The following IGSF10 variants were observed in gnomAD, a reference collection of about 807,000 sequenced individuals.
The protein encoded by IGSF10 is immunoglobulin superfamily member 10.
In IGSF10, 126 loss-of-function variants were observed where a neutral mutation model predicts 128.2. The observed-to-expected ratio is 0.98, with a 90% CI of 0.85 to 1.14. IGSF10 has a LOEUF of 1.14. IGSF10 is among the 50% of genes most tolerant of loss of function. The pLI, the probability that IGSF10 is intolerant of heterozygous loss-of-function variation, is 0.00. For synonymous variants in IGSF10, 1,185 were observed against 1,146.2 expected, an observed-to-expected ratio of 1.03 and a Z score of -0.68; for missense variants, 3,295 against 3,149.8, an observed-to-expected ratio of 1.05 and a Z score of -1.10.
At chr3:151,597,869 G>A in the IGSF10 span, among the ~76,000 whole-genome samples, 1 of 151,578 alleles carries the variant, frequency 6.6e-6, no homozygotes, top group Non-Finnish European at 1.5e-5. Context: ...GTGAGCCGAG[G>A]TCGCACCACT....
At chr3:151,550,688 C>A in the IGSF10 span, among the ~76,000 whole-genome samples, 1 of 152,006 alleles carries the variant, frequency 6.6e-6, no homozygotes. Flanking sequence ...TCGTTTTTTA[C>A]ATTTCTACTG....
the IGSF10 span, among the ~76,000 whole-genome samples, chr3:151,489,465 T>C: frequency 6.6e-6 from 1 of 152,324 alleles, no homozygotes; most frequent in East Asian, 1.9e-4. Flanking sequence ...AGTGATCTCA[T>C]TACTGGGTAT....
the IGSF10 span, among the ~76,000 whole-genome samples, chr3:151,536,060 G>A: frequency 6.6e-6 from 1 of 152,122 alleles, no homozygotes; most frequent in Non-Finnish European, 1.5e-5. Context: ...GGTTGGCTAG[G>A]TCCTAGCTGC....
At chr3:151,586,580 A>G in the IGSF10 span, among the ~76,000 whole-genome samples, 1 of 152,188 alleles carries the variant, frequency 6.6e-6, no homozygotes, top group Non-Finnish European at 1.5e-5. Context: ...TATGGTGATA[A>G]GCCTGCTGTC....
At position 151,456,968 on chromosome 3, in the gene IGSF10, C is replaced by T. The variant is rs894496806; in HGVS notation, c.324+58G>A. ...GTAGAGATAGGCAGCCTTTGAAGGT[C>T]TATCTCACAGGTCCCACCTTACCTC... On this transcript the variant is annotated intron_variant, in intron 4 of 7. Transcript: ENST00000282466. 1.8e-5 allele frequency: 29 copies of T among 1,580,012 alleles called. No individual in the cohort carries two copies. The African/African-American group carries it at 2.4e-4, about 13-fold the overall frequency.
the IGSF10 span, among the ~76,000 whole-genome samples, chr3:151,540,337 G>C: frequency 6.6e-6 from 1 of 152,140 alleles, no homozygotes; most frequent in African/African-American, 2.4e-5. Flanking sequence ...GAATTTCTAA[G>C]ATAATACATT....
chr3:151,516,466 T>C, the IGSF10 span, among the ~76,000 whole-genome samples: 1 of 152,062 alleles, frequency 6.6e-6, no homozygotes, highest in Admixed American at 6.6e-5. Flanking sequence ...GCCAGCCTTA[T>C]ATGTGGATAA....
At position 151,449,103 on chromosome 3, in the gene IGSF10, A is replaced by G; in HGVS notation, c.878T>C (p.Leu293Pro). The G allele has an allele frequency of 6.2e-7, 1 of 1,614,184 alleles. No homozygotes were observed. Among genetic ancestry groups the G allele is most frequent in the Non-Finnish European group, 8.5e-7 (1 of 1,180,034 alleles). The change falls in exon 6 of 8, where the codon CTG becomes CCG. Residue 293 changes from leucine (L) to proline (P), a missense_variant. Leu to Pro is a moderately conservative substitution (Grantham distance 98). Coordinates refer to ENST00000282466, the MANE Select transcript of IGSF10 (RefSeq NM_178822.5). The stretch of plus-strand genomic sequence containing the variant: ...AGAACTACTGTCTTCCAGAATAGTC[A>G]GGCTCTTTGATTTCAGGGATGAGTC... ...TIDSSLKSKS[L>P]TILEDSSSAF... is the part of the protein sequence containing the mutation.
chr3:151,453,553 A>G lies in IGSF10; in HGVS notation c.546T>C (p.Phe182=). 6.2e-7 allele frequency: 1 copy of G among 1,613,998 alleles called. No individual in the cohort carries two copies. The highest frequency in any genetic ancestry group is 8.5e-7 in the Non-Finnish European group (1 of 1,179,892). The change falls in exon 5 of 8, where the codon TTT becomes TTC. Residue 182 remains phenylalanine (F), a synonymous_variant. Coordinates refer to ENST00000282466, the MANE Select transcript of IGSF10 (RefSeq NM_178822.5). Reference sequence around the variant, plus strand: ...ATAGGAACTTAATGAAAGAGATTTTAAATATCTGGAGGTAGCTCAAAGAGA... The same window carrying G: ...ATAGGAACTTAATGAAAGAGATTTTGAATATCTGGAGGTAGCTCAAAGAGA... ...TFVSLSYLQI[F]KISFIKFLYL... is the part of the protein sequence containing the mutation.
In IGSF10 at chr3:151,445,939, G is replaced by A. The variant is rs147636244; in HGVS notation, c.4042C>T (p.Gln1348Ter). 3.1e-6 allele frequency: 5 copies of A among 1,614,000 alleles called. No homozygotes were observed. The highest frequency in any genetic ancestry group is 4.2e-6 in the Non-Finnish European group (5 of 1,180,022). Residue 1348 changes from glutamine (Q) to a stop codon, truncating the protein, a stop_gained, in exon 6 of 8, where the codon CAG becomes TAG. Transcript: ENST00000282466. LOFTEE classifies it high-confidence loss of function. ...RSRAQTIQRE[Q>*]EPQKKNRTDP... Reference sequence around the variant, plus strand: ...GTCCTGTTCTTCTTTTGAGGCTCCTGTTCTCTTTGTATTGTTTGTGCTCTA... The same window carrying A: ...GTCCTGTTCTTCTTTTGAGGCTCCTATTCTCTTTGTATTGTTTGTGCTCTA...
Position 151,436,767 on chromosome 3 carries a change from G to A in IGSF10, c.7794C>T (p.Ser2598=), listed in dbSNP as rs150087245. 34 of 1,614,068 alleles carry A rather than the reference G, an allele frequency of 2.1e-5. No homozygotes were observed. The highest frequency in any genetic ancestry group is 2.0e-4 in the East Asian group (9 of 44,878). ...GTLVIQNPQT[S]DSGIYKCTAK... is the part of the protein sequence containing the mutation. ...CTGTGCATTTGTATATCCCAGAATC[G>A]GAGGTTTGGGGATTCTGAATGACTA... Residue 2598 remains serine, a synonymous_variant, in exon 8 of 8, where the codon TCC becomes TCT. Transcript: ENST00000282466.
chr3:151,524,522 C>A, the IGSF10 span, among the ~76,000 whole-genome samples: 2 of 152,138 alleles, frequency 1.3e-5, no homozygotes, highest in African/African-American at 4.8e-5. Context: ...CAAACTAACA[C>A]AGGAACAGAA....
At chr3:151,530,613 T>G in the IGSF10 span, among the ~76,000 whole-genome samples, 1 of 152,110 alleles carries the variant, frequency 6.6e-6, no homozygotes, top group Non-Finnish European at 1.5e-5. Context: ...CCAACCAAAC[T>G]AAGCTTCATA....
the IGSF10 span, among the ~76,000 whole-genome samples, chr3:151,617,595 G>A: frequency 0.034 from 5,136 of 152,076 alleles, 228 homozygotes; most frequent in African/African-American, 0.098. Context: ...TCTGGACTTT[G>A]AACTTTTGAG....
chr3:151,550,792 A>C, the IGSF10 span, among the ~76,000 whole-genome samples: 291 of 152,150 alleles, frequency 1.9e-3, 2 homozygotes, highest in Middle Eastern at 3.4e-3. Flanking sequence ...TGTACCCTGG[A>C]GTTGATCCTA....
chr3:151,476,021 G>A, the IGSF10 span: 1 of 152,188 alleles, frequency 6.6e-6, no homozygotes, highest in East Asian at 1.9e-4. Flanking sequence ...TAGTCATCTG[G>A]TGGAGAAGAC....
chr3:151,449,830 A>T (rs933547548), intron 5 of IGSF10, among the ~76,000 whole-genome samples: 2 of 152,258 alleles, frequency 1.3e-5, no homozygotes, highest in Non-Finnish European at 2.9e-5. Context: ...ACAGGAATTA[A>T]GAGAAGCAGA....
chr3:151,555,590 C>A, the IGSF10 span, among the ~76,000 whole-genome samples: 2 of 152,072 alleles, frequency 1.3e-5, no homozygotes, highest in Admixed American at 1.3e-4. Context: ...TCTCATCTCC[C>A]AGCTGCCTGA....
chr3:151,617,764 C>A, the IGSF10 span, among the ~76,000 whole-genome samples: 1 of 151,940 alleles, frequency 6.6e-6, no homozygotes, highest in Admixed American at 6.6e-5. Context: ...CCCAGTGTAA[C>A]AGTATTAAGA....
Sources: allele counts gnomAD v4.1 joint callset (sites outside exome capture counted in the v4.1 genomes callset), GRCh38; gene constraint gnomAD v4.1.1; transcripts MANE v1.5; gene names NCBI Gene and HGNC (gene_info 2026-07-23, HGNC 2026-07-21).